Variants in CEP63 observed in about 807,000 individuals in gnomAD.
The protein encoded by CEP63 is centrosomal protein of 63 kDa.
CEP63 carries 84 observed loss-of-function variants against 89.1 expected under a neutral mutation model. That is an observed-to-expected ratio of 0.94 (90% CI 0.79 to 1.13). The LOEUF (loss-of-function observed/expected upper bound fraction) is 1.13. CEP63 is among the 50% of genes most tolerant of loss of function. The pLI is 0.00. For synonymous variants in CEP63, 267 were observed against 272.5 expected (o/e 0.98, Z 0.20); for missense variants, 838 against 813.3 (o/e 1.03, Z -0.37).
the CEP63 span, among the ~76,000 whole-genome samples, chr3:134,681,243 T>C: frequency 1.3e-5 from 2 of 152,176 alleles, no homozygotes; most frequent in Non-Finnish European, 2.9e-5. Context: ...GTCACTTTAC[T>C]CGGTGGCATA....
the CEP63 span, among the ~76,000 whole-genome samples, chr3:134,736,306 C>T: frequency 2.0e-5 from 3 of 152,068 alleles, no homozygotes; most frequent in Non-Finnish European, 4.4e-5. Flanking sequence ...GAAAAGAATG[C>T]CCCATTCACC....
chr3:134,674,418 T>A, the CEP63 span, among the ~76,000 whole-genome samples: 2 of 152,058 alleles, frequency 1.3e-5, no homozygotes, highest in Non-Finnish European at 2.9e-5. Context: ...CTCGACAAAC[T>A]AGGAATATAA....
At chr3:134,722,977 C>T in the CEP63 span, among the ~76,000 whole-genome samples, 1 of 152,172 alleles carries the variant, frequency 6.6e-6, no homozygotes, top group Non-Finnish European at 1.5e-5. Context: ...ATCTATTAGT[C>T]AATGTTCTTT....
chr3:134,523,657 A>G (rs995386135), intron 3 of CEP63, among the ~76,000 whole-genome samples: 11 of 152,010 alleles, frequency 7.2e-5, no homozygotes, highest in African/African-American at 2.7e-4. Flanking sequence ...TCCTTTCCTT[A>G]TTGCTTGTTT....
intron 2 of CEP63, among the ~76,000 whole-genome samples, chr3:134,495,571 A>G (rs2108053029): frequency 6.6e-6 from 1 of 152,296 alleles, no homozygotes; most frequent in Non-Finnish European, 1.5e-5. Flanking sequence ...GTAAATTTTT[A>G]AAGTTTAAGG....
At chr3:134,629,654 G>A in the CEP63 span, 2 of 1,601,942 alleles carry the variant, frequency 1.2e-6, no homozygotes, top group Middle Eastern at 1.7e-4. Context: ...AGCAGCTGGG[G>A]CATGGCATCT....
At chr3:134,514,053 G>GAC (rs1391732706) in intron 3 of CEP63, among the ~76,000 whole-genome samples, 1 of 152,072 alleles carries the variant, frequency 6.6e-6, no homozygotes, top group African/African-American at 2.4e-5. Context: ...ATAGACCCAT[G>GAC]ATAAATCTAG....
chr3:134,528,821 T>G (rs551849581), intron 3 of CEP63, among the ~76,000 whole-genome samples: 1 of 152,340 alleles, frequency 6.6e-6, no homozygotes, highest in East Asian at 1.9e-4. Flanking sequence ...TTTCTAATTT[T>G]GGATCTTCTG....
chr3:134,661,297 C>T, the CEP63 span, among the ~76,000 whole-genome samples: 2 of 152,188 alleles, frequency 1.3e-5, no homozygotes, highest in African/African-American at 4.8e-5. Context: ...ACCTAGACAC[C>T]ACTGTGCAAA....
chr3:134,586,090 C>T (rs183501617), intron 10 of CEP63, among the ~76,000 whole-genome samples: 562 of 152,124 alleles, frequency 3.7e-3, no homozygotes, highest in African/African-American at 0.013. Context: ...CTATGTGTGT[C>T]TCTGCATGTG....
intron 12 of CEP63, among the ~76,000 whole-genome samples, chr3:134,557,279 G>A (rs1295069711): frequency 6.7e-6 from 1 of 149,498 alleles, no homozygotes; most frequent in Non-Finnish European, 1.5e-5. Context: ...GTCACTACTT[G>A]TACACAGATA....
chr3:134,625,030 G>GT, the CEP63 span: 1 of 1,572,948 alleles, frequency 6.4e-7, no homozygotes, highest in Non-Finnish European at 8.6e-7. Context: ...GGGGCCCATG[G>GT]TCAGAGCGGC....
At chr3:134,506,965 C>G in intron 2 of CEP63, 144 bp from the exon 3 acceptor site, 8 of 351,144 alleles carry the variant, frequency 2.3e-5, no homozygotes, top group South Asian at 2.8e-5. Context: ...CTATTCTTTG[C>G]TTCTGGTAAT....
chr3:134,685,506 A>C, the CEP63 span, among the ~76,000 whole-genome samples: 1 of 152,214 alleles, frequency 6.6e-6, no homozygotes, highest in Non-Finnish European at 1.5e-5. Context: ...GGTTATAGTC[A>C]GTGGTTGGAA....
the CEP63 span, among the ~76,000 whole-genome samples, chr3:134,653,387 C>G: frequency 6.6e-6 from 1 of 152,204 alleles, no homozygotes; most frequent in South Asian, 2.1e-4. Flanking sequence ...ACCTCGACTG[C>G]TCTGGGAGAT....
intron 12 of CEP63, among the ~76,000 whole-genome samples, chr3:134,556,433 T>G (rs909086409): frequency 6.6e-6 from 1 of 151,424 alleles, no homozygotes; most frequent in Non-Finnish European, 1.5e-5. Context: ...TAGCTAAACA[T>G]TTTGTAAGGG....
chr3:134,533,137 AT>A (rs1298095308), intron 5 of CEP63, among the ~76,000 whole-genome samples: 25 of 152,164 alleles, frequency 1.6e-4, no homozygotes, highest in Admixed American at 1.6e-3. Flanking sequence ...CTTAGGGAGC[AT>A]TTGCAAATGT....
the CEP63 span, among the ~76,000 whole-genome samples, chr3:134,596,469 C>A: frequency 4.6e-5 from 7 of 152,190 alleles, no homozygotes; most frequent in South Asian, 2.1e-4. Flanking sequence ...TCCCAGCCCT[C>A]CCCAGGATGT....
At chr3:134,551,742 TATATATATATATACAC>T (rs767471346) in intron 11 of CEP63, among the ~76,000 whole-genome samples, 168 bp from the exon 12 acceptor site, 3 of 104,954 alleles carry the variant, frequency 2.9e-5, no homozygotes, top group East Asian at 4.4e-4. Context: ...TATATATATA[TATATATATATATACAC>T]ACACACACGT....
Sources: gnomAD v4.1 joint callset for allele counts (sites outside exome capture counted in the v4.1 genomes callset) on GRCh38, gnomAD v4.1.1 for gene constraint, MANE v1.5 for transcripts, NCBI Gene and HGNC (gene_info 2026-07-23, HGNC 2026-07-21) for gene names.